PRKN: variants seen among roughly 807,000 people sequenced by gnomAD.
PRKN encodes the protein E3 ubiquitin-protein ligase parkin.
In PRKN, 56 loss-of-function variants were observed where a neutral mutation model predicts 59.5. The observed-to-expected ratio is 0.94, with a 90% CI of 0.76 to 1.18. The LOEUF is 1.18. Ranked by LOEUF, PRKN falls within the 50% of genes most tolerant of loss-of-function variation. The pLI is 0.00. For missense variants in PRKN, 657 were observed against 596.4 expected (o/e 1.10, Z -1.06); for synonymous variants, 250 against 222.1 (o/e 1.13, Z -1.12).
At chr6:161,817,163 G>A (rs1362110257) in intron 6 of PRKN, among the ~76,000 whole-genome samples, 3 of 152,120 alleles carry the variant, frequency 2.0e-5, no homozygotes, top group Non-Finnish European at 4.4e-5. Flanking sequence ...AAAACTCCTG[G>A]AGCCCCCATC....
At chr6:162,020,863 G>C (rs1173602677) in intron 5 of PRKN, among the ~76,000 whole-genome samples, 1 of 151,794 alleles carries the variant, frequency 6.6e-6, no homozygotes, top group Non-Finnish European at 1.5e-5. Context: ...CCAGCACTTT[G>C]GGAAGCCAAG....
At chr6:161,626,442 A>G (rs961293434) in intron 7 of PRKN, among the ~76,000 whole-genome samples, 1 of 152,228 alleles carries the variant, frequency 6.6e-6, no homozygotes, top group African/African-American at 2.4e-5. Flanking sequence ...CAACCATTAA[A>G]GAAAAATAAA....
chr6:162,601,092 C>T (rs2128216721), intron 1 of PRKN, among the ~76,000 whole-genome samples: 1 of 152,230 alleles, frequency 6.6e-6, no homozygotes, highest in East Asian at 1.9e-4. Context: ...AAGAACAAGG[C>T]AACGGCACCT....
At chr6:161,876,507 C>G (rs552130890) in intron 6 of PRKN, among the ~76,000 whole-genome samples, 36 of 152,148 alleles carry the variant, frequency 2.4e-4, no homozygotes, top group African/African-American at 7.9e-4. Context: ...GAGACAAAGC[C>G]TCACTATGTT....
At chr6:162,473,731 T>A (rs1791870398) in intron 1 of PRKN, among the ~76,000 whole-genome samples, 1 of 152,128 alleles carries the variant, frequency 6.6e-6, no homozygotes, top group Non-Finnish European at 1.5e-5. Flanking sequence ...GGACTGTCCA[T>A]ATGTGGCTAA....
intron 9 of PRKN, among the ~76,000 whole-genome samples, chr6:161,504,226 G>T (rs1300920464): frequency 1.3e-5 from 2 of 152,208 alleles, no homozygotes; most frequent in Non-Finnish European, 2.9e-5. Flanking sequence ...GAAATCTAAT[G>T]AGGGTGACTT....
At position 161,527,634 on chromosome 6, in the gene PRKN, G is replaced by A. The variant is rs569120976; in HGVS notation, c.1083+21220C>T. 4.6e-5 allele frequency among the ~76,000 whole-genome samples: 7 copies of A among 152,334 alleles called. No homozygotes were observed. The East Asian group carries it at 7.7e-4, about 17-fold the overall frequency. ...AAAGGTGGGGAGGCAAAGAGGACAC[G>A]CACTGCATCTTCTTCCCTTGCACTT... On this transcript the variant is annotated intron_variant, in intron 9 of 11. Coordinates refer to ENST00000366898, the MANE Select transcript of PRKN (RefSeq NM_004562.3). The surrounding 1 kb of genome is among the most constrained non-coding windows in gnomAD (Gnocchi z 4.6).
rs1790303154 is a variant in PRKN at position 161,463,280 on chromosome 6, T to C, written c.1084-76403A>G. ...CCTCTCCTGACCCCTCCTCCCTTGT[T>C]ACCAAGGATGCCAAAACTTTCCCAG... is the stretch of plus-strand genomic sequence containing the variant. On this transcript the variant is annotated intron_variant, in intron 9 of 11. Transcript: ENST00000366898. This position sits in a 1 kb window ranked among gnomAD's most constrained non-coding sequence, Gnocchi z 4.8. 6.6e-6 allele frequency among the ~76,000 whole-genome samples: 1 copy of C among 152,204 alleles called. No homozygotes were observed. Among genetic ancestry groups the C allele is most frequent in the Non-Finnish European group, 1.5e-5 (1 of 68,022 alleles).
At chr6:162,334,901 G>A (rs139566193) in intron 2 of PRKN, among the ~76,000 whole-genome samples, 2 of 152,276 alleles carry the variant, frequency 1.3e-5, no homozygotes, top group African/African-American at 4.8e-5. Flanking sequence ...GGAAGTCACT[G>A]CAGATGTGGT....
intron 1 of PRKN, among the ~76,000 whole-genome samples, chr6:162,492,797 A>C (rs1792877452): frequency 6.7e-6 from 1 of 150,374 alleles, no homozygotes. Flanking sequence ...TAAAAAATAC[A>C]AAAAAATTAG....
Position 162,034,186 on chromosome 6 carries a change from T to TATAGAGAGAG in PRKN, c.618+19904_618+19905insCTCTCTCTAT, listed in dbSNP as rs1349695864. Among the ~76,000 whole-genome samples, 784 of 133,264 alleles carry TATAGAGAGAG rather than the reference T, an allele frequency of 5.9e-3. 4 individuals are homozygous for TATAGAGAGAG. Among genetic ancestry groups the TATAGAGAGAG allele is most frequent in the African/African-American group, 0.019 (634 of 34,162 alleles). 87.4% of individuals were successfully genotyped at this position (133,264 alleles called of 152,430 possible). On this transcript the variant is annotated intron_variant, in intron 5 of 11. Coordinates refer to ENST00000366898, the MANE Select transcript of PRKN (RefSeq NM_004562.3). ...ACACATACATATATATATATATATA[T>TATAGAGAGAG]AGAGAGAGAGAGAGAGAGAGAGAGA...
intron 2 of PRKN, among the ~76,000 whole-genome samples, chr6:162,346,861 A>T (rs536780380): frequency 6.6e-6 from 1 of 152,152 alleles, no homozygotes; most frequent in East Asian, 1.9e-4. Context: ...GGGTTGTGAG[A>T]TATATATCTA....
At chr6:161,762,012 G>T (rs1789223521) in intron 7 of PRKN, among the ~76,000 whole-genome samples, 1 of 152,170 alleles carries the variant, frequency 6.6e-6, no homozygotes, top group Admixed American at 6.5e-5. Context: ...AGCGAGAGTG[G>T]GCAGGCAGTT....
intron 5 of PRKN, among the ~76,000 whole-genome samples, chr6:162,011,238 T>G (rs188131472): frequency 0.33 from 672 of 2,034 alleles, 173 homozygotes; most frequent in African/African-American, 0.49. Context: ...AATATATAAT[T>G]TATAATATAT....
At chr6:161,875,899 C>T (rs544176920) in intron 6 of PRKN, among the ~76,000 whole-genome samples, 1 of 152,174 alleles carries the variant, frequency 6.6e-6, no homozygotes, top group South Asian at 2.1e-4. Context: ...ACCAGATGTT[C>T]CATGGGTGCC....
At chr6:162,105,875 A>G (rs927554909) in intron 4 of PRKN, among the ~76,000 whole-genome samples, 1 of 152,236 alleles carries the variant, frequency 6.6e-6, no homozygotes, top group Non-Finnish European at 1.5e-5. Context: ...ATAAACTCTG[A>G]GGTTTGGAAC....
At chr6:161,434,299 C>T (rs998821916) in intron 9 of PRKN, among the ~76,000 whole-genome samples, 2 of 139,488 alleles carry the variant, frequency 1.4e-5, no homozygotes, top group African/African-American at 2.5e-5. Context: ...AAAATGATTA[C>T]TTATTTCTGT....
rs866963317 is a variant in PRKN, at chr6:162,481,132, T to C, written c.8-37659A>G. On this transcript the variant is annotated intron_variant, in intron 1 of 11. Coordinates refer to ENST00000366898, the MANE Select transcript of PRKN (RefSeq NM_004562.3). ...GCCACTGCGCCTGGCCTAAACTGATTTTCATTCTACTAGAATTAATGTTCT... is the reference window on the plus strand; with the variant it reads ...GCCACTGCGCCTGGCCTAAACTGATCTTCATTCTACTAGAATTAATGTTCT... 9.2e-5 allele frequency among the ~76,000 whole-genome samples: 14 copies of C among 152,092 alleles called. No individual in the cohort carries two copies. In the Middle Eastern group the frequency reaches 0.01, roughly 111 times the overall value.
At position 161,530,223 on chromosome 6, in the gene PRKN, A is replaced by AGGTCATAGTCCAATTCCTGCT. The variant is rs1479798060; in HGVS notation, c.1083+18630_1083+18631insAGCAGGAATTGGACTATGACC. On this transcript the variant is annotated intron_variant, in intron 9 of 11. Transcript: ENST00000366898. The surrounding 1 kb of genome is among the most constrained non-coding windows in gnomAD (Gnocchi z 5.0). ...AACAAAAACTACTTGGATTGTCTGG[A>AGGTCATAGTCCAATTCCTGCT]GGTCATAGTCCAAAGGAAGGGTTGT... Among the ~76,000 whole-genome samples the AGGTCATAGTCCAATTCCTGCT allele has an allele frequency of 6.6e-6, 1 of 152,174 alleles. No individual in the cohort carries two copies. The highest frequency in any genetic ancestry group is 1.5e-5 in the Non-Finnish European group (1 of 68,018).
Sources: allele counts gnomAD v4.1 joint callset (sites outside exome capture counted in the v4.1 genomes callset), GRCh38; gene constraint gnomAD v4.1.1; non-coding constraint Gnocchi (gnomAD v3.1); transcripts MANE v1.5; gene names NCBI Gene and HGNC (gene_info 2026-07-23, HGNC 2026-07-21).